LHPP: variants seen among roughly 807,000 people sequenced by gnomAD.
LHPP encodes the protein phospholysine phosphohistidine inorganic pyrophosphate phosphatase, also known as hLHPP.
Under a neutral mutation model 30.3 loss-of-function variants are expected in LHPP, and 24 were observed. The ratio of observed to expected loss-of-function variants is 0.79; its 90% CI spans 0.57 to 1.11. The LOEUF (loss-of-function observed/expected upper bound fraction) is 1.11. LHPP is among the 50% of genes most tolerant of loss of function. The pLI is 0.00. For missense variants in LHPP, 356 were observed against 367.2 expected (o/e 0.97, Z 0.25); for synonymous variants, 150 against 157.1 (o/e 0.95, Z 0.34).
chr10:124,574,705 G>A (rs566331117), intron 6 of LHPP, among the ~76,000 whole-genome samples: 13 of 152,318 alleles, frequency 8.5e-5, no homozygotes, highest in African/African-American at 3.1e-4. Flanking sequence ...GGGGGGATTT[G>A]TAGGGACAGA....
chr10:124,571,483 C>A (rs1323202348), intron 6 of LHPP, among the ~76,000 whole-genome samples: 3 of 152,140 alleles, frequency 2.0e-5, no homozygotes, highest in Non-Finnish European at 4.4e-5. Context: ...TGAATGGGAA[C>A]CTTTAGGGGC....
At chr10:124,499,264 C>T (rs1953830890) in intron 5 of LHPP, among the ~76,000 whole-genome samples, 1 of 151,810 alleles carries the variant, frequency 6.6e-6, no homozygotes, top group Non-Finnish European at 1.5e-5. Flanking sequence ...AAGCCGTCCT[C>T]CTGCCTCGGC....
chr10:124,565,163 C>G (rs1948468021), intron 6 of LHPP, among the ~76,000 whole-genome samples: 1 of 152,146 alleles, frequency 6.6e-6, no homozygotes, highest in Non-Finnish European at 1.5e-5. Flanking sequence ...CTCGCCGAAG[C>G]TCCCCTCCCC....
At position 124,541,280 on chromosome 10, in the gene LHPP, A is replaced by G. The variant is rs930758136; in HGVS notation, c.716+24009A>G. Among the ~76,000 whole-genome samples, 8 of 152,202 alleles carry G rather than the reference A, an allele frequency of 5.3e-5. No individual in the cohort carries two copies. Among genetic ancestry groups the G allele is most frequent in the African/African-American group, 1.9e-4 (8 of 41,460 alleles). ...ACCAGCCTGCAGTACCAGGATAGAC[A>G]ATTTGGGCTGGAGCCAAACTTGATC... On this transcript the variant is annotated intron_variant, in intron 6 of 6. Coordinates refer to ENST00000368842, the MANE Select transcript of LHPP (RefSeq NM_022126.4). This position sits in a 1 kb window ranked among gnomAD's most constrained non-coding sequence, Gnocchi z 4.2.
chr10:124,556,715 C>T (rs936426630), intron 6 of LHPP, among the ~76,000 whole-genome samples: 6 of 152,198 alleles, frequency 3.9e-5, no homozygotes, highest in Admixed American at 2.0e-4. Flanking sequence ...ATTTTTAAAA[C>T]GCGCCTCCAT....
intron 1 of LHPP, among the ~76,000 whole-genome samples, chr10:124,463,642 C>T (rs1341302887): frequency 2.0e-5 from 3 of 151,914 alleles, no homozygotes; most frequent in Non-Finnish European, 2.9e-5. Context: ...GGATTACAGG[C>T]GTGAGCCACC....
chr10:124,500,536 A>T (rs181279761), intron 5 of LHPP, among the ~76,000 whole-genome samples: 1 of 152,114 alleles, frequency 6.6e-6, no homozygotes, highest in Admixed American at 6.5e-5. Flanking sequence ...ATTTTAAAGC[A>T]AATCTCAATT....
intron 6 of LHPP, among the ~76,000 whole-genome samples, chr10:124,609,560 A>T (rs1949140082): frequency 6.6e-6 from 1 of 152,202 alleles, no homozygotes. Context: ...TGGCTTTTTA[A>T]TTAAATTTTT....
chr10:124,480,336 A>G (rs1313899369), intron 1 of LHPP, among the ~76,000 whole-genome samples: 1 of 152,202 alleles, frequency 6.6e-6, no homozygotes, highest in Non-Finnish European at 1.5e-5. Flanking sequence ...ATAAGAGCAT[A>G]TAGGCTGAAT....
intron 6 of LHPP, among the ~76,000 whole-genome samples, chr10:124,537,684 C>A (rs1320912474): frequency 6.6e-6 from 1 of 152,238 alleles, no homozygotes; most frequent in Non-Finnish European, 1.5e-5. Context: ...AAACTGAGGC[C>A]AGAAAGCCAG....
chr10:124,507,291 G>C (rs188119727), intron 5 of LHPP, among the ~76,000 whole-genome samples: 17 of 66,022 alleles, frequency 2.6e-4, no homozygotes, highest in African/African-American at 3.4e-4. Context: ...GGGGGGTAGG[G>C]AGGATTTCAG....
In LHPP at chr10:124,541,054, AAT is replaced by A. The variant is rs1256262613; in HGVS notation, c.716+23784_716+23785del. ...CATTAAATTATTTAACAGCTTTTTT[AAT>A]GGAGGAAGGGGCCCCCCAAATCACA... On this transcript the variant is annotated intron_variant, in intron 6 of 6. Transcript: ENST00000368842. The surrounding 1 kb of genome is among the most constrained non-coding windows in gnomAD (Gnocchi z 4.2). 1.3e-5 allele frequency among the ~76,000 whole-genome samples: 2 copies of A among 152,260 alleles called. No homozygotes were observed. Among genetic ancestry groups the A allele is most frequent in the African/African-American group, 4.8e-5 (2 of 41,474 alleles).
In LHPP at chr10:124,613,350, CCGA is replaced by C; in HGVS notation, c.805_807del (p.Asp269del). On this transcript the variant is annotated inframe_deletion, in exon 7 of 7. Coordinates refer to ENST00000368842, the MANE Select transcript of LHPP (RefSeq NM_022126.4). ...GCAGTGGACCTGCTGCTGCAGCACG[CCGA>C]CAAGTGATGGCCTCCTGGGAGAGCC... 1.2e-6 allele frequency: 2 copies of C among 1,611,870 alleles called. No individual in the cohort carries two copies. Among genetic ancestry groups the C allele is most frequent in the Non-Finnish European group, 1.7e-6 (2 of 1,179,248 alleles).
intron 6 of LHPP, among the ~76,000 whole-genome samples, chr10:124,525,500 C>T (rs780005623): frequency 1.3e-5 from 2 of 152,200 alleles, no homozygotes; most frequent in African/African-American, 2.4e-5. Context: ...TCCCAGTTTA[C>T]GGTCCTGGGA....
chr10:124,514,994 G>T (rs942408177), intron 5 of LHPP, among the ~76,000 whole-genome samples: 1 of 151,884 alleles, frequency 6.6e-6, no homozygotes, highest in Non-Finnish European at 1.5e-5. Context: ...TAGAGACAGG[G>T]TCTTGCGGTG....
At chr10:124,492,098 G>T (rs1335118041) in intron 3 of LHPP, among the ~76,000 whole-genome samples, 2 of 152,288 alleles carry the variant, frequency 1.3e-5, no homozygotes, top group East Asian at 1.9e-4. Flanking sequence ...GCCTCCATTA[G>T]TTTGAATTTA....
At chr10:124,567,468 T>C (rs1484040289) in intron 6 of LHPP, among the ~76,000 whole-genome samples, 1 of 152,220 alleles carries the variant, frequency 6.6e-6, no homozygotes, top group African/African-American at 2.4e-5. Context: ...GTAGAAAACG[T>C]AAGTGAGGTT....
intron 6 of LHPP, among the ~76,000 whole-genome samples, chr10:124,553,584 G>A (rs1004130045): frequency 3.4e-5 from 5 of 146,698 alleles, no homozygotes; most frequent in South Asian, 2.2e-4. Context: ...TCAGCCTCCC[G>A]AGTAGCTGGG....
intron 6 of LHPP, among the ~76,000 whole-genome samples, chr10:124,542,022 C>T (rs7077004): frequency 4.0e-5 from 6 of 151,724 alleles, no homozygotes; most frequent in Admixed American, 6.6e-5. Context: ...GACACCTCTC[C>T]AGCTGAGGCT....
Sources: gnomAD v4.1 joint callset for allele counts (sites outside exome capture counted in the v4.1 genomes callset) on GRCh38, gnomAD v4.1.1 for gene constraint, Gnocchi (gnomAD v3.1) non-coding constraint, MANE v1.5 for transcripts, NCBI Gene and HGNC (gene_info 2026-07-23, HGNC 2026-07-21) for gene names.